The following BMAL1 variants were observed in gnomAD, a reference collection of about 807,000 sequenced individuals.
The protein encoded by BMAL1 is basic helix-loop-helix ARNT like 1, also known as basic helix-loop-helix ARNT-like protein 1.
chr11:13,348,682 C>T, the BMAL1 span, among the ~76,000 whole-genome samples: 1 of 152,090 alleles, frequency 6.6e-6, no homozygotes, highest in Non-Finnish European at 1.5e-5. Flanking sequence ...GCTGCTTTAC[C>T]AGTTGAGGCT....
the BMAL1 span, among the ~76,000 whole-genome samples, chr11:13,381,977 A>G: frequency 6.6e-6 from 1 of 152,292 alleles, no homozygotes; most frequent in South Asian, 2.1e-4. Flanking sequence ...CCCATCTCCT[A>G]AAACAGAGAG....
chr11:13,374,287 C>T, the BMAL1 span: 2 of 1,265,326 alleles, frequency 1.6e-6, no homozygotes, highest in Non-Finnish European at 2.3e-6. Context: ...GGAAATCTGT[C>T]CACTGAGGAT....
the BMAL1 span, chr11:13,376,764 G>T: frequency 6.3e-7 from 1 of 1,591,108 alleles, no homozygotes; most frequent in Middle Eastern, 1.7e-4. Context: ...GGGCTTGCCC[G>T]TGGGAAGGTG....
chr11:13,370,923 G>A, the BMAL1 span, among the ~76,000 whole-genome samples: 8 of 152,242 alleles, frequency 5.3e-5, no homozygotes, highest in South Asian at 2.1e-4. Context: ...ACATGCTGTC[G>A]CTTCCTGGTT....
chr11:13,386,224 T>A, the BMAL1 span, among the ~76,000 whole-genome samples: 70,622 of 152,042 alleles, frequency 0.46, 17,339 homozygotes, highest in South Asian at 0.62. Context: ...AACTCTCCCT[T>A]CCTATTTGCC....
At chr11:13,304,245 A>G in the BMAL1 span, among the ~76,000 whole-genome samples, 4 of 152,122 alleles carry the variant, frequency 2.6e-5, no homozygotes, top group Non-Finnish European at 4.4e-5. Flanking sequence ...TTATCCAGGT[A>G]TGTGACCAGA....
At chr11:13,362,908 T>C in the BMAL1 span, among the ~76,000 whole-genome samples, 2 of 152,026 alleles carry the variant, frequency 1.3e-5, no homozygotes, top group East Asian at 3.9e-4. Flanking sequence ...CCACAAATTA[T>C]GTAACTGGTC....
chr11:13,356,323 TTGA>T, the BMAL1 span: 1 of 466,726 alleles, frequency 2.1e-6, no homozygotes, highest in Non-Finnish European at 4.3e-6. Flanking sequence ...ACATTTATCT[TTGA>T]TGCTCAATAT....
At chr11:13,333,600 G>A in the BMAL1 span, among the ~76,000 whole-genome samples, 1 of 152,176 alleles carries the variant, frequency 6.6e-6, no homozygotes, top group African/African-American at 2.4e-5. Context: ...GGGGCATAAG[G>A]GGTCACTTCC....
At chr11:13,300,719 C>G in the BMAL1 span, among the ~76,000 whole-genome samples, 1 of 152,140 alleles carries the variant, frequency 6.6e-6, no homozygotes, top group Non-Finnish European at 1.5e-5. Flanking sequence ...AACATGTCTC[C>G]TTAATTCCAA....
At chr11:13,297,054 C>G in the BMAL1 span, among the ~76,000 whole-genome samples, 1 of 152,342 alleles carries the variant, frequency 6.6e-6, no homozygotes, top group South Asian at 2.1e-4. Flanking sequence ...CCTCCTCTTA[C>G]ATAGCCACAG....
chr11:13,343,129 G>T, the BMAL1 span, among the ~76,000 whole-genome samples: 1 of 152,166 alleles, frequency 6.6e-6, no homozygotes, highest in South Asian at 2.1e-4. Context: ...GCTAAATGTT[G>T]TGCCCAACAT....
At chr11:13,369,321 C>T in the BMAL1 span, among the ~76,000 whole-genome samples, 2 of 152,192 alleles carry the variant, frequency 1.3e-5, no homozygotes, top group Non-Finnish European at 2.9e-5. Context: ...CCTCCATTTG[C>T]CCTTTGTTAG....
At chr11:13,361,468 C>T in the BMAL1 span, among the ~76,000 whole-genome samples, 1 of 152,200 alleles carries the variant, frequency 6.6e-6, no homozygotes, top group Non-Finnish European at 1.5e-5. Flanking sequence ...CCAACAGAAT[C>T]TTCCTACCCA....
the BMAL1 span, among the ~76,000 whole-genome samples, chr11:13,358,151 C>T: frequency 3.9e-5 from 6 of 152,238 alleles, no homozygotes; most frequent in East Asian, 1.9e-4. Flanking sequence ...GGAAAAGAAA[C>T]GAGGAGAAAT....
At chr11:13,295,388 T>G in the BMAL1 span, among the ~76,000 whole-genome samples, 1 of 152,042 alleles carries the variant, frequency 6.6e-6, no homozygotes, top group Non-Finnish European at 1.5e-5. Context: ...AATTACAGGT[T>G]GTAAGAACAG....
At chr11:13,375,253 T>C in the BMAL1 span, among the ~76,000 whole-genome samples, 1 of 152,272 alleles carries the variant, frequency 6.6e-6, no homozygotes, top group Non-Finnish European at 1.5e-5. Flanking sequence ...AAGTTCTATA[T>C]TGCCCTTGGG....
the BMAL1 span, among the ~76,000 whole-genome samples, chr11:13,306,296 C>T: frequency 1.3e-5 from 2 of 152,062 alleles, no homozygotes; most frequent in Non-Finnish European, 2.9e-5. Flanking sequence ...TGGCTGCTGC[C>T]TGTGTCCAGG....
chr11:13,286,222 A>G, the BMAL1 span, among the ~76,000 whole-genome samples: 2 of 152,142 alleles, frequency 1.3e-5, no homozygotes, highest in African/African-American at 4.8e-5. Context: ...ATTGTACCTC[A>G]TTTGCTGTTA....
Sources: gnomAD v4.1 joint callset for allele counts (sites outside exome capture counted in the v4.1 genomes callset) on GRCh38, gnomAD v4.1.1 for gene constraint, MANE v1.5 for transcripts, NCBI Gene and HGNC (gene_info 2026-07-23, HGNC 2026-07-21) for gene names.